RBMS1: variants seen among roughly 807,000 people sequenced by gnomAD.
RBMS1 encodes RNA binding motif single stranded interacting protein 1, also known as RNA-binding motif, single-stranded-interacting protein 1.
Under a neutral mutation model 62.3 loss-of-function variants are expected in RBMS1, and 17 were observed. The ratio of observed to expected loss-of-function variants is 0.27; its 90% CI spans 0.19 to 0.41. RBMS1 has a LOEUF of 0.41. RBMS1 is among the 10% of genes least tolerant of loss of function. The pLI is 1.00. For missense variants in RBMS1, 334 were observed against 504.5 expected (o/e 0.66, Z 3.24); for synonymous variants, 172 against 170.0 (o/e 1.01, Z -0.09).
chr2:160,457,006 G>A (rs1402966385), intron 1 of RBMS1, among the ~76,000 whole-genome samples: 1 of 151,998 alleles, frequency 6.6e-6, no homozygotes, highest in East Asian at 1.9e-4. Context: ...CCAGATATGA[G>A]GGACTTTGTA....
At chr2:160,316,715 C>A (rs1690242577) in intron 3 of RBMS1, among the ~76,000 whole-genome samples, 1 of 152,080 alleles carries the variant, frequency 6.6e-6, no homozygotes, top group Non-Finnish European at 1.5e-5. Flanking sequence ...TAAATTAGGG[C>A]AGCTCTGCTT....
intron 1 of RBMS1, among the ~76,000 whole-genome samples, chr2:160,476,722 T>G (rs1032303014): frequency 3.3e-5 from 5 of 151,462 alleles, no homozygotes; most frequent in South Asian, 2.1e-4. Context: ...GCCCGGCTAA[T>G]TTTTTGTATT....
At chr2:160,467,162 A>G (rs1238696295) in intron 1 of RBMS1, among the ~76,000 whole-genome samples, 2 of 151,984 alleles carry the variant, frequency 1.3e-5, no homozygotes, top group Non-Finnish European at 2.9e-5. Context: ...TCTGCACATG[A>G]TAACAAAAAG....
chr2:160,290,381 ATCT>A (rs1688619757), intron 6 of RBMS1, among the ~76,000 whole-genome samples: 1 of 152,040 alleles, frequency 6.6e-6, no homozygotes, highest in Non-Finnish European at 1.5e-5. Flanking sequence ...GTAACTGTCA[ATCT>A]TCTATATGCA....
intron 1 of RBMS1, among the ~76,000 whole-genome samples, chr2:160,431,970 A>G (rs1037064759): frequency 2.6e-5 from 4 of 152,136 alleles, no homozygotes; most frequent in Non-Finnish European, 5.9e-5. Context: ...GCCTCATTAT[A>G]AAAGCTCTTT....
At chr2:160,405,157 G>A (rs1441495733) in intron 1 of RBMS1, among the ~76,000 whole-genome samples, 1 of 152,162 alleles carries the variant, frequency 6.6e-6, no homozygotes, top group Non-Finnish European at 1.5e-5. Flanking sequence ...AGTACTCAAT[G>A]AAAGTTAGCT....
chr2:160,491,821 T>C (rs556485601), intron 1 of RBMS1, among the ~76,000 whole-genome samples: 68 of 152,318 alleles, frequency 4.5e-4, no homozygotes, highest in African/African-American at 1.6e-3. Context: ...TAGCATCTCC[T>C]GCAAGTTCCT....
intron 1 of RBMS1, among the ~76,000 whole-genome samples, chr2:160,404,578 T>C (rs1006229018): frequency 1.3e-5 from 2 of 152,218 alleles, no homozygotes; most frequent in African/African-American, 4.8e-5. Flanking sequence ...AAGATGTACA[T>C]AGGTTATATA....
intron 1 of RBMS1, among the ~76,000 whole-genome samples, chr2:160,425,713 A>G (rs1682525641): frequency 6.6e-6 from 1 of 152,236 alleles, no homozygotes; most frequent in Non-Finnish European, 1.5e-5. Flanking sequence ...AAGGGGAAAA[A>G]TTCAAAACTC....
At chr2:160,453,095 G>GATGGTT (rs143419131) in intron 1 of RBMS1, among the ~76,000 whole-genome samples, 40,366 of 109,226 alleles carry the variant, frequency 0.37, 6,197 homozygotes, top group East Asian at 0.63. Flanking sequence ...CTGTTATGAT[G>GATGGTT]ATGATGATGA....
At chr2:160,305,051 C>CTCTCT (rs1157850880) in intron 4 of RBMS1, among the ~76,000 whole-genome samples, 3 of 152,168 alleles carry the variant, frequency 2.0e-5, no homozygotes, top group Non-Finnish European at 4.4e-5. Context: ...GATGGAGTTT[C>CTCTCT]ACCATGTTGG....
intron 1 of RBMS1, among the ~76,000 whole-genome samples, chr2:160,449,550 A>G (rs1010440386): frequency 1.2e-4 from 19 of 152,306 alleles, no homozygotes; most frequent in Admixed American, 7.2e-4. Context: ...TCTCTGAAAC[A>G]TGTGCTGTGT....
At chr2:160,335,688 TC>T (rs1691528623) in intron 2 of RBMS1, among the ~76,000 whole-genome samples, 1 of 152,192 alleles carries the variant, frequency 6.6e-6, no homozygotes. Flanking sequence ...ATTAAAAACT[TC>T]CCAGTCGAGA....
chr2:160,413,890 T>C (rs1696118425), intron 1 of RBMS1, among the ~76,000 whole-genome samples: 1 of 152,248 alleles, frequency 6.6e-6, no homozygotes, highest in African/African-American at 2.4e-5. Context: ...AGTTGGGGTT[T>C]GATCTTGGGT....
intron 7 of RBMS1, among the ~76,000 whole-genome samples, chr2:160,286,354 C>G (rs1229940533): frequency 7.3e-6 from 1 of 136,592 alleles, no homozygotes; most frequent in Non-Finnish European, 1.5e-5. Context: ...GAGTCTCGCT[C>G]TGTTGCCCAG....
chr2:160,473,753 G>A (rs1032316027), intron 1 of RBMS1, among the ~76,000 whole-genome samples: 1 of 152,108 alleles, frequency 6.6e-6, no homozygotes, highest in Non-Finnish European at 1.5e-5. Flanking sequence ...TCTCAGCAAC[G>A]CAGATTTCCA....
chr2:160,490,887 T>C (rs771756134), intron 1 of RBMS1, among the ~76,000 whole-genome samples: 1 of 152,142 alleles, frequency 6.6e-6, no homozygotes, highest in Non-Finnish European at 1.5e-5. Flanking sequence ...AGCAAACACA[T>C]CACTGTACTT....
At chr2:160,396,106 TC>T (rs1300290843) in intron 1 of RBMS1, among the ~76,000 whole-genome samples, 2 of 152,194 alleles carry the variant, frequency 1.3e-5, no homozygotes, top group African/African-American at 2.4e-5. Context: ...TTAAGAAATG[TC>T]CCTTCGAGTG....
chr2:160,484,768 G>A (rs1398672327), intron 1 of RBMS1, among the ~76,000 whole-genome samples: 1 of 143,236 alleles, frequency 7.0e-6, no homozygotes, highest in Admixed American at 6.9e-5. Context: ...CTACTCAGGA[G>A]GCTGAGGCAG....
Sources: gnomAD v4.1 joint callset for allele counts (sites outside exome capture counted in the v4.1 genomes callset) on GRCh38, gnomAD v4.1.1 for gene constraint, MANE v1.5 for transcripts, NCBI Gene and HGNC (gene_info 2026-07-23, HGNC 2026-07-21) for gene names.